Variants in ZBTB10 observed in about 807,000 individuals in gnomAD.
ZBTB10 encodes the protein zinc finger and BTB domain containing 10.
Under a neutral mutation model 76.4 loss-of-function variants are expected in ZBTB10, and 32 were observed. The observed-to-expected ratio is 0.42, with a 90% CI of 0.32 to 0.56. The LOEUF is 0.56. ZBTB10 is among the 20% of genes least tolerant of loss of function. ZBTB10 has a pLI of 0.14. For synonymous variants in ZBTB10, 523 were observed against 432.9 expected, an observed-to-expected ratio of 1.21 and a Z score of -2.58; for missense variants, 1,057 against 1,098.5, an observed-to-expected ratio of 0.96 and a Z score of 0.53.
chr8:80,517,997 T>C (rs531894747), intron 3 of ZBTB10, among the ~76,000 whole-genome samples: 105 of 149,410 alleles, frequency 7.0e-4, no homozygotes, highest in African/African-American at 2.5e-3. Flanking sequence ...TAGCTGGGAC[T>C]GCAGGCACAC....
intron 1 of ZBTB10, among the ~76,000 whole-genome samples, chr8:80,493,367 C>T (rs77010052): frequency 6.6e-6 from 1 of 152,170 alleles, no homozygotes; most frequent in East Asian, 1.9e-4. Context: ...ATGCTGAAAA[C>T]ATTAAATTTT....
Position 80,519,609 on chromosome 8 carries a change from G to T in ZBTB10, c.*81G>T, listed in dbSNP as rs1247190902. The T allele has an allele frequency of 1.4e-6, 2 of 1,388,876 alleles. No individual in the cohort carries two copies. Among genetic ancestry groups the T allele is most frequent in the Non-Finnish European group, 1.9e-6 (2 of 1,027,536 alleles). The allele number at this position is 1,388,876 out of a possible 1,614,324, so 86.0% of individuals were successfully genotyped here. ...TTTGGATTGTTGAACTTGAAGGCTT[G>T]CAAAATATGGTACATGCTGGATAGT... On this transcript the variant is annotated 3_prime_UTR_variant, in exon 6 of 6. Coordinates refer to ENST00000455036, the MANE Select transcript of ZBTB10 (RefSeq NM_001105539.3).
chr8:80,517,338 G>A (rs973538558), intron 3 of ZBTB10, among the ~76,000 whole-genome samples: 1 of 152,172 alleles, frequency 6.6e-6, no homozygotes, highest in African/African-American at 2.4e-5. Flanking sequence ...AGTTGTGGAA[G>A]ATTCTGGATA....
At chr8:80,515,152 G>A (rs941326549) in intron 3 of ZBTB10, among the ~76,000 whole-genome samples, 1 of 152,136 alleles carries the variant, frequency 6.6e-6, no homozygotes, top group Non-Finnish European at 1.5e-5. Context: ...TTATCTAGGA[G>A]CATGTTCTAG....
intron 2 of ZBTB10, among the ~76,000 whole-genome samples, chr8:80,510,796 T>G (rs546236226): frequency 6.6e-6 from 1 of 152,294 alleles, no homozygotes; most frequent in Non-Finnish European, 1.5e-5. Flanking sequence ...TACCTTTAAA[T>G]GAAGCATAAG....
At chr8:80,497,109 T>C (rs1031873937) in intron 1 of ZBTB10, among the ~76,000 whole-genome samples, 3 of 152,226 alleles carry the variant, frequency 2.0e-5, no homozygotes, top group African/African-American at 7.2e-5. Context: ...AGTTACACTG[T>C]CCAAGTAATT....
At chr8:80,489,181 T>A (rs185145301) in intron 1 of ZBTB10, among the ~76,000 whole-genome samples, 1 of 152,298 alleles carries the variant, frequency 6.6e-6, no homozygotes, top group East Asian at 1.9e-4. Context: ...GGAGTAAATC[T>A]GGGTTCAGAT....
At chr8:80,506,559 T>TCC (rs1294327591) in intron 2 of ZBTB10, among the ~76,000 whole-genome samples, 247 of 117,228 alleles carry the variant, frequency 2.1e-3, no homozygotes, top group African/African-American at 0.011. Flanking sequence ...CCTCAGGTGA[T>TCC]CCACCCCCCC....
Position 80,522,770 on chromosome 8 carries a change from G to A in ZBTB10, c.*3242G>A, listed in dbSNP as rs1236168569. On this transcript the variant is annotated 3_prime_UTR_variant, in exon 6 of 6. Coordinates refer to ENST00000455036, the MANE Select transcript of ZBTB10 (RefSeq NM_001105539.3). ...AATAGATAAGAACCAAGAGGAAAAA[G>A]AAATAAGAAAAGATGGGGGAAAGGA... The A allele has an allele frequency of 6.6e-6, 1 of 151,592 alleles. No homozygotes were observed. The highest frequency in any genetic ancestry group is 1.9e-4 in the East Asian group (1 of 5,190). 9.4% of individuals were successfully genotyped at this position (151,592 alleles called of 1,614,324 possible). A position where few individuals can be genotyped will look rare whatever the true frequency, so the allele number is the denominator to read the frequency against.
At chr8:80,494,784 C>T (rs993847639) in intron 1 of ZBTB10, among the ~76,000 whole-genome samples, 1 of 151,770 alleles carries the variant, frequency 6.6e-6, no homozygotes, top group Non-Finnish European at 1.5e-5. Flanking sequence ...AATAACTGGG[C>T]GTGGTGGCAC....
At chr8:80,492,729 G>C (rs998745683) in intron 1 of ZBTB10, among the ~76,000 whole-genome samples, 1 of 151,956 alleles carries the variant, frequency 6.6e-6, no homozygotes, top group African/African-American at 2.4e-5. Context: ...TGCCCACCTC[G>C]GCCTCCGAGA....
rs2131467641 is a variant in ZBTB10, at chr8:80,487,798, C to T, written c.972+16C>T. 1 of 1,535,450 alleles carries T rather than the reference C, an allele frequency of 6.5e-7. No individual in the cohort carries two copies. On this transcript the variant is annotated intron_variant, in intron 1 of 5. Transcript: ENST00000455036. ...CAACGCCCAGGTACAGTATATCCTG[C>T]TCCTACTTTTTTGAGATCTTTTAGG...
In ZBTB10 at chr8:80,523,255, TAAAC is replaced by T. The variant is rs1248417328; in HGVS notation, c.*3730_*3733del. On this transcript the variant is annotated 3_prime_UTR_variant, in exon 6 of 6. Coordinates refer to ENST00000455036, the MANE Select transcript of ZBTB10 (RefSeq NM_001105539.3). ...CAGGGAGGCTCTATTGCTGCCTCAT[TAAAC>T]AACTCTTGTAGAATTTCAGCTCTTA... 2 of 151,784 alleles carry T rather than the reference TAAAC, an allele frequency of 1.3e-5. No homozygotes were observed. Among genetic ancestry groups the T allele is most frequent in the African/African-American group, 2.4e-5 (1 of 41,298 alleles). The allele number at this position is 151,784 out of a possible 1,614,324, so 9.4% of individuals were successfully genotyped here. A position where few individuals can be genotyped will look rare whatever the true frequency, so the allele number is the denominator to read the frequency against.
chr8:80,489,632 A>G (rs1815572638), intron 1 of ZBTB10, among the ~76,000 whole-genome samples: 1 of 152,072 alleles, frequency 6.6e-6, no homozygotes, highest in Admixed American at 6.6e-5. Flanking sequence ...GCTTGAGTGT[A>G]TTCTTCTCCT....
chr8:80,512,105 A>G (rs541353257), intron 2 of ZBTB10, among the ~76,000 whole-genome samples: 6 of 152,176 alleles, frequency 3.9e-5, no homozygotes, highest in South Asian at 4.2e-4. Flanking sequence ...ACCACATTTA[A>G]TGTGGTACCA....
At chr8:80,506,633 A>G (rs1159213114) in intron 2 of ZBTB10, among the ~76,000 whole-genome samples, 3 of 146,560 alleles carry the variant, frequency 2.0e-5, no homozygotes, top group Non-Finnish European at 4.5e-5. Context: ...ACGCCCTGCA[A>G]ATATTCATGT....
chr8:80,504,394 C>A (rs1304685445), intron 2 of ZBTB10, among the ~76,000 whole-genome samples: 1 of 152,144 alleles, frequency 6.6e-6, no homozygotes, highest in Non-Finnish European at 1.5e-5. Flanking sequence ...TTGTAAGATA[C>A]AGTTCTAATA....
chr8:80,489,744 A>G (rs978624004), intron 1 of ZBTB10, among the ~76,000 whole-genome samples: 4 of 152,136 alleles, frequency 2.6e-5, no homozygotes, highest in African/African-American at 7.2e-5. Flanking sequence ...TCCCCCATCA[A>G]TGTAATCTGC....
chr8:80,493,359 G>A lies in ZBTB10; in HGVS notation c.972+5577G>A, dbSNP rs573338187. ...GAGGTCATGGAGGATCTCTTGTCAT[G>A]CTGAAAACATTAAATTTTATTGTCT... is the stretch of plus-strand genomic sequence containing the variant. On this transcript the variant is annotated intron_variant, in intron 1 of 5. Transcript: ENST00000455036. 2.0e-5 allele frequency among the ~76,000 whole-genome samples: 3 copies of A among 152,242 alleles called. No individual in the cohort carries two copies. The South Asian group carries it at 6.2e-4, about 32-fold the overall frequency.
Sources: allele counts gnomAD v4.1 joint callset (sites outside exome capture counted in the v4.1 genomes callset), GRCh38; gene constraint gnomAD v4.1.1; transcripts MANE v1.5; gene names NCBI Gene and HGNC (gene_info 2026-07-23, HGNC 2026-07-21).